Variants in GRIN2A observed in about 807,000 individuals in gnomAD.
GRIN2A encodes the protein glutamate receptor ionotropic, NMDA 2A.
A neutral mutation model predicts 113.4 loss-of-function variants in GRIN2A; 22 were observed. The ratio of observed to expected loss-of-function variants is 0.19; its 90% CI spans 0.14 to 0.28. The LOEUF (loss-of-function observed/expected upper bound fraction) is 0.28. GRIN2A is among the 10% of genes least tolerant of loss of function. The pLI is 1.00. For synonymous variants in GRIN2A, 827 were observed against 738.4 expected (o/e 1.12, Z -1.94); for missense variants, 1,502 against 1,887.0 (o/e 0.80, Z 3.78).
intron 3 of GRIN2A, among the ~76,000 whole-genome samples, chr16:9,908,802 G>A (rs1386441576): frequency 1.2e-4 from 19 of 152,320 alleles, no homozygotes; most frequent in Admixed American, 1.2e-3. Context: ...CCAGAGCTGG[G>A]CGAGCAGCAA....
At chr16:9,926,096 C>A (rs1003341260) in intron 3 of GRIN2A, among the ~76,000 whole-genome samples, 5 of 152,166 alleles carry the variant, frequency 3.3e-5, no homozygotes, top group African/African-American at 1.2e-4. Flanking sequence ...AAAATAACAT[C>A]TACAAATTAA....
At chr16:9,922,530 A>T (rs781420275) in intron 3 of GRIN2A, among the ~76,000 whole-genome samples, 2 of 152,144 alleles carry the variant, frequency 1.3e-5, no homozygotes, top group Non-Finnish European at 2.9e-5. Context: ...TTATTAGGAA[A>T]CACATTCTTC....
At chr16:9,882,205 A>G (rs1596535470) in intron 4 of GRIN2A, among the ~76,000 whole-genome samples, 2 of 152,104 alleles carry the variant, frequency 1.3e-5, no homozygotes, top group African/African-American at 2.4e-5. Context: ...CTAAAATACA[A>G]TAATTTAGAT....
intron 3 of GRIN2A, among the ~76,000 whole-genome samples, chr16:9,937,231 C>T (rs1317441474): frequency 6.6e-6 from 1 of 150,668 alleles, no homozygotes; most frequent in Non-Finnish European, 1.5e-5. Flanking sequence ...GGGGTTGGGG[C>T]GGGAGGTGGG....
chr16:10,013,353 C>A (rs1485210818), intron 2 of GRIN2A, among the ~76,000 whole-genome samples: 1 of 152,202 alleles, frequency 6.6e-6, no homozygotes, highest in African/African-American at 2.4e-5. Flanking sequence ...CAGCCTTAAG[C>A]ATCCACATGA....
chr16:9,961,893 G>C (rs1426971840), intron 2 of GRIN2A, among the ~76,000 whole-genome samples: 1 of 152,170 alleles, frequency 6.6e-6, no homozygotes, highest in Non-Finnish European at 1.5e-5. Context: ...CAAGGCTACA[G>C]TAACCAAAAC....
intron 2 of GRIN2A, among the ~76,000 whole-genome samples, chr16:9,962,946 A>G (rs1395814745): frequency 6.6e-6 from 1 of 152,038 alleles, no homozygotes; most frequent in Non-Finnish European, 1.5e-5. Context: ...CAGCCATAAA[A>G]TAGGATGAGT....
At chr16:10,181,042 C>T (rs963703641) in intron 1 of GRIN2A, among the ~76,000 whole-genome samples, 1 of 152,178 alleles carries the variant, frequency 6.6e-6, no homozygotes, top group Admixed American at 6.5e-5. Flanking sequence ...AGACCCGGCT[C>T]CTCTCAGTCA....
At chr16:10,014,133 T>G (rs987235882) in intron 2 of GRIN2A, among the ~76,000 whole-genome samples, 1 of 152,152 alleles carries the variant, frequency 6.6e-6, no homozygotes, top group Non-Finnish European at 1.5e-5. Flanking sequence ...AATGGGTAGG[T>G]GGTGAGTTGT....
chr16:9,956,874 C>A (rs1264858409), intron 2 of GRIN2A, among the ~76,000 whole-genome samples: 1 of 152,008 alleles, frequency 6.6e-6, no homozygotes, highest in East Asian at 1.9e-4. Context: ...GCAAAGGTAC[C>A]CAGATAGGAG....
chr16:10,106,045 G>A (rs2034364), intron 2 of GRIN2A, among the ~76,000 whole-genome samples: 3,232 of 152,274 alleles, frequency 0.021, 107 homozygotes, highest in African/African-American at 0.074. Context: ...GTTAAAAGAA[G>A]TTTTTTGCAA....
At chr16:9,890,139 A>G (rs1483228904) in intron 4 of GRIN2A, among the ~76,000 whole-genome samples, 1 of 152,244 alleles carries the variant, frequency 6.6e-6, no homozygotes, top group Non-Finnish European at 1.5e-5. Flanking sequence ...AAGTGAAGAT[A>G]AATTTCAAGA....
chr16:9,793,827 A>C (rs1902782179), intron 11 of GRIN2A, among the ~76,000 whole-genome samples: 2 of 150,418 alleles, frequency 1.3e-5, no homozygotes, highest in African/African-American at 4.9e-5. Context: ...GTATGTCTAC[A>C]TATGTGTATA....
intron 3 of GRIN2A, among the ~76,000 whole-genome samples, chr16:9,901,997 C>T (rs1021165457): frequency 6.6e-6 from 1 of 152,042 alleles, no homozygotes; most frequent in East Asian, 1.9e-4. Context: ...TACCTGAATT[C>T]TCACCCAAAG....
In GRIN2A at chr16:9,757,736, C is replaced by T. The variant is rs1029387393; in HGVS notation, c.*5413G>A. On this transcript the variant is annotated 3_prime_UTR_variant, in exon 13 of 13. Coordinates refer to ENST00000330684, the MANE Select transcript of GRIN2A (RefSeq NM_001134407.3). ...TCAGTTTGAGGTTTTAAACAATATCCCTGTTGATTTTTCCTAAGGAGACGG... is the reference window on the plus strand; with the variant it reads ...TCAGTTTGAGGTTTTAAACAATATCTCTGTTGATTTTTCCTAAGGAGACGG... 18 of 216,150 alleles carry T rather than the reference C, an allele frequency of 8.3e-5. No homozygotes were observed. Among genetic ancestry groups the T allele is most frequent in the African/African-American group, 4.1e-4 (18 of 44,364 alleles). 13.4% of individuals were successfully genotyped at this position (216,150 alleles called of 1,614,324 possible). A position where few individuals can be genotyped will look rare whatever the true frequency, so the allele number is the denominator to read the frequency against.
rs1321048834 is a variant in GRIN2A, at chr16:9,762,074, T to C, written c.*1075A>G. 1 of 204,898 alleles carries C rather than the reference T, an allele frequency of 4.9e-6. No homozygotes were observed. Among genetic ancestry groups the C allele is most frequent in the African/African-American group, 2.3e-5 (1 of 43,752 alleles). The allele number at this position is 204,898 out of a possible 1,614,324, so 12.7% of individuals were successfully genotyped here. ...CTAGCCTTCGGCAGACAGATGGCAT[T>C]GTACTTCTTACAGATCACAGTACAC... On this transcript the variant is annotated 3_prime_UTR_variant, in exon 13 of 13. Transcript: ENST00000330684.
rs1900258704 is a variant in GRIN2A, at chr16:9,753,811, C to G, written c.*9338G>C. ...TTGCTTAGAGCAGACAGCTTGCTTT[C>G]AGCTCCACCATACAAGACATCAAGT... On this transcript the variant is annotated 3_prime_UTR_variant, in exon 13 of 13. Coordinates refer to ENST00000330684, the MANE Select transcript of GRIN2A (RefSeq NM_001134407.3). The G allele has an allele frequency of 5.5e-6, 1 of 181,396 alleles. No homozygotes were observed. Among genetic ancestry groups the G allele is most frequent in the South Asian group, 2.0e-4 (1 of 5,064 alleles). The allele number at this position is 181,396 out of a possible 1,614,324, so 11.2% of individuals were successfully genotyped here.
intron 4 of GRIN2A, among the ~76,000 whole-genome samples, chr16:9,853,544 T>A (rs563498293): frequency 6.6e-6 from 1 of 152,294 alleles, no homozygotes; most frequent in African/African-American, 2.4e-5. Flanking sequence ...TCCAGAAGCA[T>A]GAGAAACAAG....
chr16:9,860,459 A>AAAAAG (rs1567352493), intron 4 of GRIN2A, among the ~76,000 whole-genome samples: 11 of 150,038 alleles, frequency 7.3e-5, no homozygotes, highest in East Asian at 3.9e-4. Context: ...AAAAAAAAAA[A>AAAAAG]AAAAAAAAAA....
Sources: gnomAD v4.1 joint callset for allele counts (sites outside exome capture counted in the v4.1 genomes callset) on GRCh38, gnomAD v4.1.1 for gene constraint, MANE v1.5 for transcripts, NCBI Gene and HGNC (gene_info 2026-07-23, HGNC 2026-07-21) for gene names.